GALNT17: variants seen among roughly 807,000 people sequenced by gnomAD.
The protein encoded by GALNT17 is polypeptide N-acetylgalactosaminyltransferase 17.
A neutral mutation model predicts 63.7 loss-of-function variants in GALNT17; 29 were observed. The observed-to-expected ratio is 0.46, with a 90% CI of 0.34 to 0.62. The LOEUF (loss-of-function observed/expected upper bound fraction) is 0.62. Ranked by LOEUF, GALNT17 falls within the 20% of genes least tolerant of loss-of-function variation. The pLI is 0.01. For synonymous variants in GALNT17, 305 were observed against 318.3 expected (o/e 0.96, Z 0.45); for missense variants, 603 against 799.6 (o/e 0.75, Z 2.97).
At chr7:71,632,407 A>C (rs1047972680) in intron 6 of GALNT17, among the ~76,000 whole-genome samples, 1 of 152,176 alleles carries the variant, frequency 6.6e-6, no homozygotes, top group African/African-American at 2.4e-5. Flanking sequence ...ATTACACAAG[A>C]TCCAGCCCTA....
chr7:71,710,956 C>T (rs756973601), intron 10 of GALNT17, 28 bp downstream of exon 10: 4 of 1,608,300 alleles, frequency 2.5e-6, no homozygotes, highest in Admixed American at 3.3e-5. Flanking sequence ...AGAGCCAGCA[C>T]CCAGAGTAGC....
intron 1 of GALNT17, among the ~76,000 whole-genome samples, chr7:71,310,784 CA>C (rs1408752487): frequency 6.6e-6 from 1 of 152,200 alleles, no homozygotes; most frequent in Non-Finnish European, 1.5e-5. Flanking sequence ...CACCTAGTAA[CA>C]AAAGGGCTAG....
intron 6 of GALNT17, among the ~76,000 whole-genome samples, chr7:71,650,887 A>T (rs1008166869): frequency 6.6e-6 from 1 of 152,172 alleles, no homozygotes; most frequent in Non-Finnish European, 1.5e-5. Flanking sequence ...AAAGGCTATG[A>T]GCCTGGCAGT....
chr7:71,154,401 G>A (rs1324625331), intron 1 of GALNT17, among the ~76,000 whole-genome samples: 1 of 152,124 alleles, frequency 6.6e-6, no homozygotes, highest in East Asian at 1.9e-4. Flanking sequence ...CGCTCAAATC[G>A]CAGATCCATG....
intron 1 of GALNT17, among the ~76,000 whole-genome samples, chr7:71,193,710 T>G (rs1313918424): frequency 1.3e-5 from 2 of 152,056 alleles, no homozygotes; most frequent in African/African-American, 2.4e-5. Flanking sequence ...TGATTCTGTT[T>G]GTGTTTGGAT....
intron 1 of GALNT17, among the ~76,000 whole-genome samples, chr7:71,263,494 C>CA (rs1209194761): frequency 1.3e-5 from 2 of 152,180 alleles, no homozygotes; most frequent in Admixed American, 1.3e-4. Flanking sequence ...GCAATGCTAG[C>CA]AAACAAATAC....
chr7:71,476,892 C>T (rs1787731761), intron 5 of GALNT17, among the ~76,000 whole-genome samples: 1 of 152,038 alleles, frequency 6.6e-6, no homozygotes, highest in South Asian at 2.1e-4. Context: ...CTGTGATTTT[C>T]AAAGGACATC....
intron 7 of GALNT17, among the ~76,000 whole-genome samples, chr7:71,666,590 G>A (rs1031851485): frequency 1.4e-4 from 21 of 151,700 alleles, no homozygotes; most frequent in Non-Finnish European, 2.9e-4. Context: ...AAAGTCCATT[G>A]TATCGTTCTT....
At chr7:71,456,332 T>C (rs1230422831) in intron 5 of GALNT17, among the ~76,000 whole-genome samples, 3 of 152,180 alleles carry the variant, frequency 2.0e-5, no homozygotes, top group Admixed American at 6.5e-5. Context: ...GAATTGTTAG[T>C]TCTTTTTTAT....
intron 9 of GALNT17, among the ~76,000 whole-genome samples, chr7:71,700,275 T>C (rs1791611814): frequency 6.7e-6 from 1 of 150,278 alleles, no homozygotes; most frequent in South Asian, 2.1e-4. Context: ...GCCACTGCAC[T>C]ACAGTTTGGG....
intron 9 of GALNT17, among the ~76,000 whole-genome samples, chr7:71,703,423 A>G (rs1317405147): frequency 6.6e-6 from 1 of 152,168 alleles, no homozygotes; most frequent in East Asian, 1.9e-4. Flanking sequence ...ACTTCTAAAC[A>G]ACCAGATCTT....
chr7:71,453,874 C>T (rs529257561), intron 5 of GALNT17, among the ~76,000 whole-genome samples: 7 of 141,342 alleles, frequency 5.0e-5, no homozygotes, highest in East Asian at 2.0e-4. Context: ...TTGAGGACAT[C>T]AGCAGACACT....
At chr7:71,526,482 A>G (rs1232634003) in intron 5 of GALNT17, among the ~76,000 whole-genome samples, 1 of 152,294 alleles carries the variant, frequency 6.6e-6, no homozygotes, top group East Asian at 1.9e-4. Context: ...TGACATGGTT[A>G]CATGGAATTT....
At chr7:71,206,891 G>A (rs951605721) in intron 1 of GALNT17, among the ~76,000 whole-genome samples, 6 of 152,022 alleles carry the variant, frequency 3.9e-5, no homozygotes, top group Admixed American at 6.6e-5. Context: ...GGATCACGAG[G>A]TCAGGAGATC....
At chr7:71,637,946 G>A (rs1790551181) in intron 6 of GALNT17, among the ~76,000 whole-genome samples, 1 of 152,204 alleles carries the variant, frequency 6.6e-6, no homozygotes, top group Admixed American at 6.5e-5. Context: ...TACTCCATAG[G>A]CAGAGCAGTC....
intron 6 of GALNT17, among the ~76,000 whole-genome samples, chr7:71,587,543 A>G (rs565748097): frequency 2.0e-5 from 3 of 152,086 alleles, no homozygotes; most frequent in South Asian, 4.2e-4. Context: ...TACTATGTGA[A>G]TATTTTTCTA....
chr7:71,579,493 A>G (rs1789598910), intron 6 of GALNT17, among the ~76,000 whole-genome samples: 1 of 152,220 alleles, frequency 6.6e-6, no homozygotes, highest in Admixed American at 6.5e-5. Context: ...GCTGTGGGAA[A>G]ATATAGTAAG....
intron 1 of GALNT17, among the ~76,000 whole-genome samples, chr7:71,320,863 A>T (rs1256030532): frequency 1.3e-5 from 2 of 152,092 alleles, no homozygotes; most frequent in Admixed American, 1.3e-4. Context: ...ATATGACCAG[A>T]ATTGTTGTCA....
At chr7:71,205,152 CTTTTT>C (rs759200277) in intron 1 of GALNT17, among the ~76,000 whole-genome samples, 3,587 of 114,992 alleles carry the variant, frequency 0.031, 119 homozygotes, top group African/African-American at 0.12. Context: ...TTACTTTTTA[CTTTTT>C]TTTTTTTTTT....
Sources: allele counts gnomAD v4.1 joint callset (sites outside exome capture counted in the v4.1 genomes callset), GRCh38; gene constraint gnomAD v4.1.1; transcripts MANE v1.5; gene names NCBI Gene and HGNC (gene_info 2026-07-23, HGNC 2026-07-21).